The following CLEC19A variants were observed in gnomAD, a reference collection of about 807,000 sequenced individuals.
CLEC19A encodes C-type lectin domain family 19 member A.
CLEC19A carries 21 observed loss-of-function variants against 26.1 expected under a neutral mutation model. The observed-to-expected ratio is 0.80, with a 90% confidence interval of 0.57 to 1.16. The LOEUF is 1.16. CLEC19A is among the 50% of genes most tolerant of loss of function. The pLI is 0.00. For synonymous variants in CLEC19A, 89 were observed against 88.6 expected (o/e 1.00, Z -0.03); for missense variants, 224 against 227.6 (o/e 0.98, Z 0.10).
intron 1 of CLEC19A, among the ~76,000 whole-genome samples, chr16:19,290,526 G>T (rs1011972965): frequency 6.6e-6 from 1 of 152,200 alleles, no homozygotes; most frequent in Non-Finnish European, 1.5e-5. Flanking sequence ...CCGGGTCTCA[G>T]TTGAGACAGC....
intron 3 of CLEC19A, among the ~76,000 whole-genome samples, chr16:19,307,241 C>T (rs936659287): frequency 6.6e-6 from 1 of 152,148 alleles, no homozygotes; most frequent in East Asian, 1.9e-4. Flanking sequence ...CAATCTGAGT[C>T]TCAGTTTTCT....
intron 3 of CLEC19A, among the ~76,000 whole-genome samples, chr16:19,305,827 T>C (rs1035330059): frequency 1.3e-5 from 2 of 151,950 alleles, no homozygotes; most frequent in Non-Finnish European, 2.9e-5. Context: ...TTTTTTTGGG[T>C]TTTTTTGCTG....
In CLEC19A at chr16:19,309,257, G is replaced by A; in HGVS notation, c.*174G>A. On this transcript the variant is annotated 3_prime_UTR_variant, in exon 5 of 5. Transcript: ENST00000636231. ...GGGTGGTCACTTGGCCAAGTGTCAGGAAAGCCAGCTCAAATTGGCTTAATT... is the reference window on the plus strand; with the variant it reads ...GGGTGGTCACTTGGCCAAGTGTCAGAAAAGCCAGCTCAAATTGGCTTAATT... 1 of 510,774 alleles carries A rather than the reference G, an allele frequency of 2.0e-6. No homozygotes were observed. Among genetic ancestry groups the A allele is most frequent in the Non-Finnish European group, 3.4e-6 (1 of 293,146 alleles). 31.6% of individuals were successfully genotyped at this position (510,774 alleles called of 1,614,324 possible).
intron 1 of CLEC19A, among the ~76,000 whole-genome samples, chr16:19,292,324 G>A (rs2143008912): frequency 6.6e-6 from 1 of 152,256 alleles, no homozygotes; most frequent in South Asian, 2.1e-4. Flanking sequence ...GGTCCCAGGG[G>A]ATGCTGAGGT....
chr16:19,307,370 T>C (rs1286150145), intron 3 of CLEC19A, among the ~76,000 whole-genome samples, 175 bp from the exon 4 acceptor site: 1 of 152,178 alleles, frequency 6.6e-6, no homozygotes, highest in African/African-American at 2.4e-5. Flanking sequence ...ATAGTAGTAA[T>C]AATAGCAGTC....
chr16:19,308,353 C>T (rs898153639), intron 4 of CLEC19A, among the ~76,000 whole-genome samples: 1 of 152,178 alleles, frequency 6.6e-6, no homozygotes, highest in Admixed American at 6.5e-5. Flanking sequence ...AATGCCTTAA[C>T]CTCTTGGTGC....
intron 1 of CLEC19A, among the ~76,000 whole-genome samples, chr16:19,296,401 T>C (rs1428915811): frequency 2.0e-5 from 3 of 152,032 alleles, no homozygotes; most frequent in Non-Finnish European, 4.4e-5. Context: ...CTGCAGCCCA[T>C]AGTTTTGGTT....
intron 1 of CLEC19A, among the ~76,000 whole-genome samples, chr16:19,297,557 G>GA (rs1039938733): frequency 6.6e-6 from 1 of 151,976 alleles, no homozygotes; most frequent in East Asian, 1.9e-4. Context: ...TGTAATAGTT[G>GA]AAAAAACAGA....
chr16:19,303,978 A>C (rs1897890647), intron 2 of CLEC19A, 84 bp from the exon 3 acceptor site: 10 of 1,161,028 alleles, frequency 8.6e-6, no homozygotes, highest in Non-Finnish European at 1.2e-5. Context: ...CCAGGAAGGT[A>C]AATATGGATT....
At chr16:19,287,515 C>T (rs1897498079) in intron 1 of CLEC19A, among the ~76,000 whole-genome samples, 1 of 152,160 alleles carries the variant, frequency 6.6e-6, no homozygotes, top group Non-Finnish European at 1.5e-5. Flanking sequence ...CCTCCTTACT[C>T]TCGGACCTCA....
chr16:19,304,098 C>T lies in CLEC19A; in HGVS notation c.291C>T (p.Asn97=). 1.3e-6 allele frequency: 2 copies of T among 1,550,500 alleles called. No homozygotes were observed. Among genetic ancestry groups the T allele is most frequent in the African/African-American group, 1.4e-5 (1 of 73,148 alleles). ...ATGTCTTTGTATATGACCTCGTGAA[C>T]AGCTGTGTTCCCGGCATCCCAGCTG... ...EENVFVYDLV[N]SCVPGIPADV... The change falls in exon 3 of 5, where the codon AAC becomes AAT. Residue 97 remains asparagine (N), a synonymous_variant. Coordinates refer to ENST00000636231, the MANE Select transcript of CLEC19A (RefSeq NM_001256720.2).
intron 1 of CLEC19A, among the ~76,000 whole-genome samples, chr16:19,293,416 A>G (rs1252946367): frequency 6.6e-6 from 1 of 152,078 alleles, no homozygotes; most frequent in Non-Finnish European, 1.5e-5. Context: ...AACGGTATAC[A>G]GGAACTCTCT....
At chr16:19,287,757 G>A (rs1897503464) in intron 1 of CLEC19A, among the ~76,000 whole-genome samples, 1 of 152,166 alleles carries the variant, frequency 6.6e-6, no homozygotes, top group Non-Finnish European at 1.5e-5. Context: ...CCCAAGTGGG[G>A]ATAACAAGGG....
At chr16:19,304,861 G>GA (rs1897917706) in intron 3 of CLEC19A, 1 of 151,760 alleles carries the variant, frequency 6.6e-6, no homozygotes, top group Non-Finnish European at 1.5e-5. Context: ...AGAGAGGAAG[G>GA]ACTGGGTAGG....
chr16:19,297,957 T>C (rs538243838), intron 1 of CLEC19A, among the ~76,000 whole-genome samples: 24 of 152,166 alleles, frequency 1.6e-4, no homozygotes, highest in Non-Finnish European at 2.5e-4. Flanking sequence ...CTTAAAAGTA[T>C]GTACAGGTGG....
At chr16:19,307,331 A>G (rs563277573) in intron 3 of CLEC19A, among the ~76,000 whole-genome samples, 3 of 152,244 alleles carry the variant, frequency 2.0e-5, no homozygotes, top group Non-Finnish European at 4.4e-5. Context: ...CATGGCACAT[A>G]ATAAGCCCTC....
At chr16:19,289,507 A>G (rs1000517488) in intron 1 of CLEC19A, among the ~76,000 whole-genome samples, 3 of 152,202 alleles carry the variant, frequency 2.0e-5, no homozygotes, top group African/African-American at 7.2e-5. Context: ...TGTCAGACTC[A>G]AGTCTCAATA....
At chr16:19,293,462 ATT>A (rs56127926) in intron 1 of CLEC19A, among the ~76,000 whole-genome samples, 90,509 of 149,900 alleles carry the variant, frequency 0.6, 28,105 homozygotes, top group East Asian at 0.84. Context: ...AATTTTTTTA[ATT>A]TTTTTTTTTT....
intron 1 of CLEC19A, among the ~76,000 whole-genome samples, chr16:19,291,067 T>C (rs918481183): frequency 6.6e-6 from 1 of 152,206 alleles, no homozygotes; most frequent in Non-Finnish European, 1.5e-5. Flanking sequence ...GGTCTCAAAC[T>C]CCTGGCCTCA....
Sources: gnomAD v4.1 joint callset for allele counts (sites outside exome capture counted in the v4.1 genomes callset) on GRCh38, gnomAD v4.1.1 for gene constraint, MANE v1.5 for transcripts, NCBI Gene and HGNC (gene_info 2026-07-23, HGNC 2026-07-21) for gene names.